The following MARF1 variants were observed in gnomAD, a reference collection of about 807,000 sequenced individuals.
MARF1 encodes the protein meiosis regulator and mRNA stability factor 1, also known as limkain-b1.
MARF1 carries 24 observed loss-of-function variants against 168.2 expected under a neutral mutation model. That is an observed-to-expected ratio of 0.14 (90% CI 0.10 to 0.20). The LOEUF (loss-of-function observed/expected upper bound fraction) is 0.20, where lower values mean the gene tolerates loss of function less well. MARF1 is among the 10% of genes least tolerant of loss of function. The pLI is 1.00. For missense variants in MARF1, 1,744 were observed against 2,143.6 expected (o/e 0.81, Z 3.68); for synonymous variants, 868 against 822.4 (o/e 1.06, Z -0.95).
intron 17 of MARF1, among the ~76,000 whole-genome samples, chr16:15,611,952 T>A (rs2033600726): frequency 6.6e-6 from 1 of 152,232 alleles, no homozygotes; most frequent in Admixed American, 6.5e-5. Flanking sequence ...CTGGCACACC[T>A]TCTCCCAAAC....
chr16:15,640,242 CTG>C (rs1231725679), intron 1 of MARF1, among the ~76,000 whole-genome samples: 5 of 152,184 alleles, frequency 3.3e-5, no homozygotes, highest in Admixed American at 3.3e-4. Flanking sequence ...TAAGTGGCCT[CTG>C]TGGACTTTGA....
At position 15,635,661 on chromosome 16, in the gene MARF1, T is replaced by TTAGACAGTCTTCGCAGTA. The variant is rs770343268; in HGVS notation, c.808_825dup (p.Tyr270_Leu275dup). 1 of 1,613,270 alleles carries TTAGACAGTCTTCGCAGTA rather than the reference T, an allele frequency of 6.2e-7. No individual in the cohort carries two copies. The highest frequency in any genetic ancestry group is 8.5e-7 in the Non-Finnish European group (1 of 1,179,498). On this transcript the variant is annotated inframe_insertion, in exon 3 of 27. Transcript: ENST00000396368. ...AGAAATAAAAAGATACGAACCTTGTTTAGACAGTCTTCGCAGTAAAGTGAG... is the reference window on the plus strand; with the variant it reads ...AGAAATAAAAAGATACGAACCTTGTTTAGACAGTCTTCGCAGTATAGACAGTCTTCGCAGTAAAGTGAG...
intron 25 of MARF1, chr16:15,599,317 A>C (rs2032159422): frequency 4.5e-6 from 2 of 441,022 alleles, no homozygotes; most frequent in Admixed American, 3.7e-5. Flanking sequence ...TCAGCTTCCA[A>C]AGAGAAGGGA....
chr16:15,635,340 G>C (rs2035514040), intron 3 of MARF1: 1 of 429,322 alleles, frequency 2.3e-6, no homozygotes, highest in Admixed American at 4.0e-5. Flanking sequence ...TGTGTAAGCT[G>C]AATGTAAGTT....
At chr16:15,605,194 C>T (rs956991093) in intron 21 of MARF1, among the ~76,000 whole-genome samples, 6 of 152,202 alleles carry the variant, frequency 3.9e-5, no homozygotes, top group Non-Finnish European at 5.9e-5. Context: ...GGCACACACA[C>T]GGCTCCGGCA....
rs2031539020 is a variant in MARF1, at chr16:15,594,937, G to A, written c.*1756C>T. On this transcript the variant is annotated 3_prime_UTR_variant, in exon 27 of 27. Coordinates refer to ENST00000396368, the MANE Select transcript of MARF1 (RefSeq NM_014647.4). ...GGTGACTTGTAATGATACCTCTTACGGTTTTAAAGTCCACCACTCTTTACA... is the reference window on the plus strand; with the variant it reads ...GGTGACTTGTAATGATACCTCTTACAGTTTTAAAGTCCACCACTCTTTACA... 1.3e-5 allele frequency: 2 copies of A among 152,522 alleles called. No homozygotes were observed. The highest frequency in any genetic ancestry group is 2.4e-5 in the African/African-American group (1 of 41,400). The allele number at this position is 152,522 out of a possible 1,614,324, so 9.4% of individuals were successfully genotyped here. A position where few individuals can be genotyped will look rare whatever the true frequency, so the allele number is the denominator to read the frequency against.
rs1323407989 is a variant in MARF1 at position 15,598,976 on chromosome 16, G to A, written c.4862C>T (p.Pro1621Leu). 6 of 1,612,312 alleles carry A rather than the reference G, an allele frequency of 3.7e-6. No individual in the cohort carries two copies. Among genetic ancestry groups the A allele is most frequent in the Non-Finnish European group, 5.1e-6 (6 of 1,179,248 alleles). Reference sequence around the variant, plus strand: ...GACAGGCGCACACAGGAGGTCGACGGGGGAGTCGTCGGTCAGGCGGAGAAG... The same window carrying A: ...GACAGGCGCACACAGGAGGTCGACGAGGGAGTCGTCGGTCAGGCGGAGAAG... The part of the protein sequence containing the change: ...QELLRLTDDS[P>L]VDLLCAPVPS... The change falls in exon 26 of 27, where the codon CCC becomes CTC. Residue 1621 changes from proline (P) to leucine (L), a missense_variant. Pro to Leu is a moderately conservative substitution (Grantham distance 98). Transcript: ENST00000396368.
Position 15,606,251 on chromosome 16 carries a change from CTT to C in MARF1, c.4183-1855_4183-1854del, listed in dbSNP as rs2033001654. On this transcript the variant is annotated intron_variant, in intron 21 of 26. Transcript: ENST00000396368. ...GCCCACTCCCTTGCTTCACTCTCCT[CTT>C]TTGTCATGCTGGCACTGACATTCTT... is the stretch of plus-strand genomic sequence containing the variant. The C allele has an allele frequency of 2.6e-5, 4 of 152,722 alleles. No individual in the cohort carries two copies. In the South Asian group the frequency reaches 8.3e-4, roughly 32 times the overall value. The allele number at this position is 152,722 out of a possible 1,614,324, so 9.5% of individuals were successfully genotyped here. A position where few individuals can be genotyped will look rare whatever the true frequency, so the allele number is the denominator to read the frequency against.
At chr16:15,632,369 CTGTTT>C (rs980703899) in intron 5 of MARF1, among the ~76,000 whole-genome samples, 25 of 152,278 alleles carry the variant, frequency 1.6e-4, no homozygotes, top group Admixed American at 5.2e-4. Flanking sequence ...TTGTTGTTTT[CTGTTT>C]TGTTTTGTTT....
At chr16:15,641,664 C>T (rs1029961777) in intron 1 of MARF1, among the ~76,000 whole-genome samples, 4 of 152,078 alleles carry the variant, frequency 2.6e-5, no homozygotes, top group African/African-American at 4.8e-5. Flanking sequence ...TGCAATAATC[C>T]TGTGAAATAG....
intron 26 of MARF1, 142 bp downstream of exon 26, chr16:15,598,709 AAAG>A (rs2032032422): frequency 1.2e-6 from 1 of 827,768 alleles, no homozygotes. Flanking sequence ...CCAGGTGGGG[AAAG>A]AAGGTCGAAT....
At chr16:15,602,753 AGT>A (rs1290846890) in intron 22 of MARF1, 1 of 415,722 alleles carries the variant, frequency 2.4e-6, no homozygotes, top group Non-Finnish European at 4.7e-6. Context: ...CTGAAGAGAC[AGT>A]GTGTGAGTAG....
At chr16:15,642,577 T>C (rs1286747351) in intron 1 of MARF1, 1 of 151,744 alleles carries the variant, frequency 6.6e-6, no homozygotes, top group East Asian at 2.0e-4. Flanking sequence ...CTAGTGAGAG[T>C]GGCTGAAGCC....
chr16:15,605,434 G>A (rs2032923726), intron 21 of MARF1, among the ~76,000 whole-genome samples: 1 of 152,088 alleles, frequency 6.6e-6, no homozygotes, highest in Non-Finnish European at 1.5e-5. Context: ...GAGGGAGGCT[G>A]GCAGGGTCCC....
rs761319649 is a variant in MARF1, at chr16:15,635,729, T to G, written c.758A>C (p.Asn253Thr). ...AGGTACCACATTAAGGTGCAAAGAG[T>G]TGGTGCACAAGTGAGGCGTTAGCTC... ...QSELTPHLCT[N>T]SLHLNVVPPV... is the part of the protein sequence containing the mutation. Residue 253 changes from asparagine to threonine, a missense_variant, in exon 3 of 27, where the codon AAC becomes ACC. Around this residue, in one of 7 missense-constraint regions of MARF1, gnomAD observed 318 missense variants for 336.6 expected, o/e 0.94. Coordinates refer to ENST00000396368, the MANE Select transcript of MARF1 (RefSeq NM_014647.4). 1.2e-6 allele frequency: 2 copies of G among 1,613,780 alleles called. No individual in the cohort carries two copies. The highest frequency in any genetic ancestry group is 1.7e-5 in the Admixed American group (1 of 59,986).
In MARF1 at chr16:15,630,564, A is replaced by G. The variant is rs2035180981; in HGVS notation, c.1352-60T>C. On this transcript the variant is annotated intron_variant, in intron 6 of 26. Transcript: ENST00000396368. ...AACATTAGAAACACTTGACAAAGAC[A>G]GACAACTCTATTGACACCCACTGAG... 9 of 1,483,506 alleles carry G rather than the reference A, an allele frequency of 6.1e-6. No individual in the cohort carries two copies. The Middle Eastern group carries it at 7.4e-4, about 121-fold the overall frequency. 91.9% of individuals were successfully genotyped at this position (1,483,506 alleles called of 1,614,324 possible). A position where few individuals can be genotyped will look rare whatever the true frequency, so the allele number is the denominator to read the frequency against.
Position 15,595,122 on chromosome 16 carries a change from G to C in MARF1, c.*1571C>G, listed in dbSNP as rs1316589996. On this transcript the variant is annotated 3_prime_UTR_variant, in exon 27 of 27. Coordinates refer to ENST00000396368, the MANE Select transcript of MARF1 (RefSeq NM_014647.4). ...CACTTCCTGTAACACTATGTCTGTA[G>C]AGGAAATGCCTTCAGGAGGATTCGG... 2 of 152,618 alleles carry C rather than the reference G, an allele frequency of 1.3e-5. No individual in the cohort carries two copies. Among genetic ancestry groups the C allele is most frequent in the Admixed American group, 1.3e-4 (2 of 15,274 alleles). 9.5% of individuals were successfully genotyped at this position (152,618 alleles called of 1,614,324 possible).
Position 15,596,802 on chromosome 16 carries a change from G to A in MARF1, c.5120C>T (p.Ser1707Phe). Residue 1707 changes from serine to phenylalanine, a missense_variant, in exon 27 of 27, where the codon TCC becomes TTC. Physicochemically the swap from Ser to Phe is radical, Grantham distance 155. Around this residue, in one of 7 missense-constraint regions of MARF1, gnomAD observed 313 missense variants for 337.4 expected, o/e 0.93. Transcript: ENST00000396368. ...PVPPCPSSET[S>F]ESLLSKDPVE... ...GGGGTCCTTGCTGAGCAGTGACTCGGAGGTTTCCGAGGAGGGGCAGGGAGG... is the reference window on the plus strand; with the variant it reads ...GGGGTCCTTGCTGAGCAGTGACTCGAAGGTTTCCGAGGAGGGGCAGGGAGG... The A allele has an allele frequency of 1.2e-6, 2 of 1,614,184 alleles. No individual in the cohort carries two copies. Among genetic ancestry groups the A allele is most frequent in the Non-Finnish European group, 1.7e-6 (2 of 1,180,004 alleles).
At chr16:15,631,740 C>T (rs1268413560) in intron 5 of MARF1, among the ~76,000 whole-genome samples, 2 of 152,096 alleles carry the variant, frequency 1.3e-5, no homozygotes, top group African/African-American at 4.8e-5. Context: ...TGCTCTTCCT[C>T]CCCTTCCCCC....
Sources: allele counts gnomAD v4.1 joint callset (sites outside exome capture counted in the v4.1 genomes callset), GRCh38; gene constraint gnomAD v4.1.1; regional missense constraint gnomAD v4.1.1; transcripts MANE v1.5; gene names NCBI Gene and HGNC (gene_info 2026-07-23, HGNC 2026-07-21).